Variants in PALM observed in about 807,000 individuals in gnomAD.
PALM encodes the protein paralemmin, also known as paralemmin-1.
Under a neutral mutation model 30.7 loss-of-function variants are expected in PALM, and 18 were observed. The ratio of observed to expected loss-of-function variants is 0.59; its 90% CI spans 0.41 to 0.87. The LOEUF is 0.87. Among genes scored for constraint, PALM ranks in the 40% least tolerant of loss-of-function variants. The pLI is 0.00. For missense variants in PALM, 529 were observed against 555.4 expected (o/e 0.95, Z 0.48); for synonymous variants, 286 against 242.8 (o/e 1.18, Z -1.66).
At chr19:710,566 G>A (rs903856178) in intron 1 of PALM, among the ~76,000 whole-genome samples, 5 of 152,098 alleles carry the variant, frequency 3.3e-5, no homozygotes, top group African/African-American at 4.8e-5. Context: ...GGGTGTCAGC[G>A]AACACTCCGG....
intron 5 of PALM, among the ~76,000 whole-genome samples, chr19:733,642 T>C (rs1599157858): frequency 1.3e-5 from 2 of 152,224 alleles, no homozygotes; most frequent in African/African-American, 4.8e-5. Flanking sequence ...CCGGCTGGAT[T>C]CAGGGTGGCC....
chr19:727,138 G>A (rs1344936497), intron 3 of PALM, 50 bp downstream of exon 3: 2 of 1,279,562 alleles, frequency 1.6e-6, no homozygotes, highest in South Asian at 2.5e-5. Context: ...CGGCTGTGAG[G>A]CGGAGGCCCC....
chr19:726,628 G>A (rs745921789), intron 2 of PALM, among the ~76,000 whole-genome samples: 1 of 151,942 alleles, frequency 6.6e-6, no homozygotes, highest in Non-Finnish European at 1.5e-5. Flanking sequence ...TCAGCCTCTC[G>A]AGTAGCTGGG....
rs1294767937 is a variant in PALM at position 742,707 on chromosome 19, A to G, written c.634+2224A>G. On this transcript the variant is annotated intron_variant, in intron 8 of 8. Coordinates refer to ENST00000338448, the MANE Select transcript of PALM (RefSeq NM_002579.3). This position sits in a 1 kb window ranked among gnomAD's most constrained non-coding sequence, Gnocchi z 5.5. Reference sequence around the variant, plus strand: ...ACTGGGCGTGACGTCCCCAAGGTGCATCGGCACTGTGGCCTGGGTCGGAGC... The same window carrying G: ...ACTGGGCGTGACGTCCCCAAGGTGCGTCGGCACTGTGGCCTGGGTCGGAGC... 2.0e-5 allele frequency among the ~76,000 whole-genome samples: 3 copies of G among 152,084 alleles called. No homozygotes were observed. Among genetic ancestry groups the G allele is most frequent in the Non-Finnish European group, 4.4e-5 (3 of 68,018 alleles).
At position 727,093 on chromosome 19, in the gene PALM, G is replaced by A. The variant is rs372993106; in HGVS notation, c.138+5G>A. ...AGGCAGCTGCAGCACCTGAAGGTAC[G>A]AGCGGGGCAGGGACCCAGGGTCAGG... On this transcript the variant is annotated splice_donor_5th_base_variant and intron_variant, in intron 3 of 8. Transcript: ENST00000338448. 2.0e-4 allele frequency: 308 copies of A among 1,534,834 alleles called. 1 individual carries two copies. The highest frequency in any genetic ancestry group is 6.9e-4 in the Middle Eastern group (4 of 5,828).
At chr19:717,402 G>T (rs1414330640) in intron 1 of PALM, among the ~76,000 whole-genome samples, 1 of 151,952 alleles carries the variant, frequency 6.6e-6, no homozygotes, top group African/African-American at 2.4e-5. Flanking sequence ...ATCACACGCT[G>T]CGTGGCCTTC....
intron 1 of PALM, among the ~76,000 whole-genome samples, chr19:711,436 G>C (rs899614213): frequency 6.6e-6 from 1 of 152,154 alleles, no homozygotes; most frequent in Non-Finnish European, 1.5e-5. Context: ...GGTCAAGACC[G>C]GCCCAGACTC....
intron 1 of PALM, chr19:719,294 C>T: frequency 3.0e-6 from 3 of 985,400 alleles, no homozygotes; most frequent in African/African-American, 1.7e-5. Flanking sequence ...CACCAACGCC[C>T]CGCACCGCGG....
intron 5 of PALM, among the ~76,000 whole-genome samples, chr19:732,908 C>T (rs1305690892): frequency 2.0e-5 from 3 of 150,032 alleles, no homozygotes; most frequent in Non-Finnish European, 4.4e-5. Context: ...GCTGGGCAGG[C>T]GACCTGGAGG....
At chr19:741,287 C>T (rs549872093) in intron 8 of PALM, among the ~76,000 whole-genome samples, 26 of 152,142 alleles carry the variant, frequency 1.7e-4, no homozygotes, top group African/African-American at 5.5e-4. Flanking sequence ...ATCAGAGACA[C>T]GCAGTGCATG....
Position 731,143 on chromosome 19 carries a change from C to A in PALM, c.318C>A (p.Ala106=). The A allele has an allele frequency of 6.2e-7, 1 of 1,607,492 alleles. No homozygotes were observed. Among genetic ancestry groups the A allele is most frequent in the Non-Finnish European group, 8.5e-7 (1 of 1,177,508 alleles). The part of the protein sequence containing the change: ...EVLERGDSAP[A]TAKENAAAPS... The stretch of plus-strand genomic sequence containing the variant: ...TGGAGCGTGGAGACTCCGCCCCAGC[C>A]ACTGCCAAGGAGAACGCGGCGGCCC... Residue 106 remains alanine, a synonymous_variant, in exon 5 of 9, where the codon GCC becomes GCA. Transcript: ENST00000338448.
At chr19:724,616 C>T (rs1024508329) in intron 1 of PALM, among the ~76,000 whole-genome samples, 2 of 148,618 alleles carry the variant, frequency 1.3e-5, no homozygotes, top group African/African-American at 2.5e-5. Flanking sequence ...CCACTGCGCC[C>T]GGCCATTCAT....
At chr19:738,057 C>T (rs1288685270) in intron 7 of PALM, among the ~76,000 whole-genome samples, 1 of 152,088 alleles carries the variant, frequency 6.6e-6, no homozygotes, top group Non-Finnish European at 1.5e-5. Context: ...TCCTTATGTT[C>T]TGAAGGTGGA....
Position 746,456 on chromosome 19 carries a change from C to G in PALM, c.806C>G (p.Ser269Cys). 6.2e-7 allele frequency: 1 copy of G among 1,609,410 alleles called. No homozygotes were observed. The highest frequency in any genetic ancestry group is 8.5e-7 in the Non-Finnish European group (1 of 1,177,920). Reference sequence around the variant, plus strand: ...GAGGGGGCAGCCCGGACCACGCCCTCCCGGCGGGAGATCACCGGTGTGCAG... The same window carrying G: ...GAGGGGGCAGCCCGGACCACGCCCTGCCGGCGGGAGATCACCGGTGTGCAG... ...AVEGAARTTP[S>C]RREITGVQAQ... The change falls in exon 9 of 9, where the codon TCC (serine) becomes TGC (cysteine). Residue 269 changes from serine to cysteine, a missense_variant. Physicochemically the swap from Ser to Cys is moderately radical, Grantham distance 112. Transcript: ENST00000338448. The surrounding 1 kb of genome is among the most constrained non-coding windows in gnomAD (Gnocchi z 7.1).
intron 7 of PALM, among the ~76,000 whole-genome samples, 187 bp from the exon 8 acceptor site, chr19:740,165 G>A (rs1184182765): frequency 2.6e-5 from 4 of 152,248 alleles, no homozygotes; most frequent in Non-Finnish European, 4.4e-5. Context: ...AGGCACTGGG[G>A]AGCTATGGAG....
In PALM at chr19:727,033, T is replaced by G. The variant is rs1415159993; in HGVS notation, c.83T>G (p.Ile28Ser). 1 of 1,411,684 alleles carries G rather than the reference T, an allele frequency of 7.1e-7. No individual in the cohort carries two copies. The highest frequency in any genetic ancestry group is 9.4e-7 in the Non-Finnish European group (1 of 1,064,390). 87.4% of individuals were successfully genotyped at this position (1,411,684 alleles called of 1,614,324 possible). Reference sequence around the variant, plus strand: ...GAGAAGCGGAAGCGGCAGGCGGAGATCGAGAACAAGCGCCGGCAGCTGGAG... The same window carrying G: ...GAGAAGCGGAAGCGGCAGGCGGAGAGCGAGAACAAGCGCCGGCAGCTGGAG... ...IAEKRKRQAE[I>S]ENKRRQLEDE... Residue 28 changes from isoleucine to serine, a missense_variant, in exon 3 of 9, where the codon ATC (isoleucine) becomes AGC (serine). Ile to Ser is a moderately radical substitution (Grantham distance 142). Coordinates refer to ENST00000338448, the MANE Select transcript of PALM (RefSeq NM_002579.3).
At chr19:733,710 G>A (rs1326946295) in intron 5 of PALM, among the ~76,000 whole-genome samples, 8 of 152,188 alleles carry the variant, frequency 5.3e-5, no homozygotes, top group Admixed American at 3.9e-4. Context: ...GAGATGGAGC[G>A]GACGTGGTGG....
chr19:729,806 T>C (rs540713172), intron 4 of PALM, among the ~76,000 whole-genome samples: 1 of 152,246 alleles, frequency 6.6e-6, no homozygotes, highest in South Asian at 2.1e-4. Context: ...ACCAGCTGTG[T>C]CCCTGGGCTG....
At chr19:720,995 G>A (rs2032459409) in intron 1 of PALM, among the ~76,000 whole-genome samples, 1 of 152,336 alleles carries the variant, frequency 6.6e-6, no homozygotes, top group Admixed American at 6.5e-5. Context: ...GGGTGGCCCG[G>A]GGCTGGGCGG....
Sources: allele counts gnomAD v4.1 joint callset (sites outside exome capture counted in the v4.1 genomes callset), GRCh38; gene constraint gnomAD v4.1.1; non-coding constraint Gnocchi (gnomAD v3.1); transcripts MANE v1.5; gene names NCBI Gene and HGNC (gene_info 2026-07-23, HGNC 2026-07-21).